GNG12: variants seen among roughly 807,000 people sequenced by gnomAD.
GNG12 encodes G protein subunit gamma 12.
For missense variants in GNG12, 69 were observed against 83.8 expected (o/e 0.82, Z 0.69); for synonymous variants, 28 against 29.7 (o/e 0.94, Z 0.19).
chr1:67,825,678 G>T (rs907413676), intron 1 of GNG12, among the ~76,000 whole-genome samples: 1 of 152,124 alleles, frequency 6.6e-6, no homozygotes, highest in Non-Finnish European at 1.5e-5. Context: ...AGTTCCAAAG[G>T]CTCCTGCAAC....
intron 2 of GNG12, among the ~76,000 whole-genome samples, chr1:67,742,031 A>G (rs1376431696): frequency 6.6e-6 from 1 of 152,174 alleles, no homozygotes; most frequent in East Asian, 1.9e-4. Context: ...AGTTGTTTCA[A>G]TGTTTCAAGC....
At chr1:67,786,874 T>C (rs12038388) in intron 1 of GNG12, among the ~76,000 whole-genome samples, 27,935 of 149,990 alleles carry the variant, frequency 0.19, 3,121 homozygotes, top group East Asian at 0.4. Flanking sequence ...GAGGTGGAGG[T>C]TGCAGTGAGC....
At position 67,701,901 on chromosome 1, in the gene GNG12, T is replaced by C. The variant is rs1646217344; in HGVS notation, c.*3550A>G. 1 of 152,650 alleles carries C rather than the reference T, an allele frequency of 6.6e-6. No individual in the cohort carries two copies. The highest frequency in any genetic ancestry group is 2.1e-4 in the South Asian group (1 of 4,836). 9.5% of individuals were successfully genotyped at this position (152,650 alleles called of 1,614,324 possible). ...AAACATTATAGATAAACCAATTTTATATCTGAAGCAGCTTATAGCACCAAC... is the reference window on the plus strand; with the variant it reads ...AAACATTATAGATAAACCAATTTTACATCTGAAGCAGCTTATAGCACCAAC... On this transcript the variant is annotated 3_prime_UTR_variant, in exon 4 of 4. Transcript: ENST00000370982.
chr1:67,809,109 C>G (rs1241046704), intron 1 of GNG12, among the ~76,000 whole-genome samples: 1 of 152,124 alleles, frequency 6.6e-6, no homozygotes, highest in Non-Finnish European at 1.5e-5. Context: ...CGAAACAGAA[C>G]AGATCCTAGA....
intron 1 of GNG12, among the ~76,000 whole-genome samples, chr1:67,812,002 C>A (rs1455336096): frequency 6.6e-6 from 1 of 152,188 alleles, no homozygotes; most frequent in Non-Finnish European, 1.5e-5. Context: ...TCAAGATAGA[C>A]AGTCACAGTT....
chr1:67,737,037 T>C (rs1646456532), intron 2 of GNG12, among the ~76,000 whole-genome samples: 1 of 152,218 alleles, frequency 6.6e-6, no homozygotes, highest in Non-Finnish European at 1.5e-5. Flanking sequence ...CCAAGAATTG[T>C]GGATATTCAG....
chr1:67,827,647 G>A (rs1211037793), intron 1 of GNG12, among the ~76,000 whole-genome samples: 1 of 151,748 alleles, frequency 6.6e-6, no homozygotes, highest in Non-Finnish European at 1.5e-5. Flanking sequence ...GGATGGTCTC[G>A]CTCTCCTGAC....
intron 2 of GNG12, among the ~76,000 whole-genome samples, chr1:67,732,636 CT>C (rs1646426774): frequency 6.6e-6 from 1 of 152,222 alleles, no homozygotes; most frequent in Non-Finnish European, 1.5e-5. Context: ...ATAACACTGC[CT>C]TTGCTTTTGA....
intron 2 of GNG12, among the ~76,000 whole-genome samples, chr1:67,764,989 T>A (rs905088232): frequency 1.3e-5 from 2 of 152,064 alleles, no homozygotes; most frequent in African/African-American, 4.8e-5. Context: ...AACACTTGGG[T>A]CAAAAAGCAA....
At chr1:67,769,070 T>C (rs532782096) in intron 2 of GNG12, among the ~76,000 whole-genome samples, 9 of 152,342 alleles carry the variant, frequency 5.9e-5, no homozygotes, top group Non-Finnish European at 1.3e-4. Context: ...CATCTGGATA[T>C]ATAATGTTCA....
chr1:67,795,560 G>T (rs995523664), intron 1 of GNG12, among the ~76,000 whole-genome samples: 2 of 152,178 alleles, frequency 1.3e-5, no homozygotes, highest in East Asian at 1.9e-4. Context: ...CAGTTCTCAG[G>T]ACTCTTAATT....
At chr1:67,744,420 G>GTGT (rs1557602937) in intron 2 of GNG12, among the ~76,000 whole-genome samples, 1 of 152,132 alleles carries the variant, frequency 6.6e-6, no homozygotes, top group African/African-American at 2.4e-5. Flanking sequence ...AAAGGCAGAG[G>GTGT]CTACCCCTGG....
chr1:67,706,891 C>T (rs934301301), intron 3 of GNG12, among the ~76,000 whole-genome samples: 1 of 152,058 alleles, frequency 6.6e-6, no homozygotes, highest in Non-Finnish European at 1.5e-5. Context: ...AATTCCCAAC[C>T]TCAGGTGATC....
chr1:67,734,332 A>G (rs1482089216), intron 2 of GNG12, among the ~76,000 whole-genome samples: 1 of 152,070 alleles, frequency 6.6e-6, no homozygotes, highest in Non-Finnish European at 1.5e-5. Context: ...AGACTGGGGA[A>G]ACAGCATTTT....
At chr1:67,715,067 C>CGTGT (rs1557594004) in intron 2 of GNG12, among the ~76,000 whole-genome samples, 4 of 152,072 alleles carry the variant, frequency 2.6e-5, no homozygotes, top group African/African-American at 4.8e-5. Context: ...TACAGGCACC[C>CGTGT]GCCACCACAC....
At chr1:67,768,237 G>C (rs185435088) in intron 2 of GNG12, among the ~76,000 whole-genome samples, 20 of 152,296 alleles carry the variant, frequency 1.3e-4, no homozygotes, top group Admixed American at 9.1e-4. Flanking sequence ...TATTGATGCA[G>C]AAATTGAGGC....
chr1:67,821,171 G>A (rs1646982614), intron 1 of GNG12, among the ~76,000 whole-genome samples: 1 of 152,170 alleles, frequency 6.6e-6, no homozygotes, highest in Non-Finnish European at 1.5e-5. Flanking sequence ...CCTGCAACAT[G>A]TGAATATATT....
chr1:67,738,755 G>A (rs984686786), intron 2 of GNG12, among the ~76,000 whole-genome samples: 3 of 152,216 alleles, frequency 2.0e-5, no homozygotes, highest in African/African-American at 7.2e-5. Flanking sequence ...GCATGTGCCT[G>A]TGGTCTTAGC....
At chr1:67,762,452 C>CTGTAA (rs1480025798) in intron 2 of GNG12, among the ~76,000 whole-genome samples, 1 of 151,974 alleles carries the variant, frequency 6.6e-6, no homozygotes, top group Non-Finnish European at 1.5e-5. Flanking sequence ...ATAATCCTGC[C>CTGTAA]CAATACAGGA....
Sources: gnomAD v4.1 joint callset for allele counts (sites outside exome capture counted in the v4.1 genomes callset) on GRCh38, gnomAD v4.1.1 for gene constraint, MANE v1.5 for transcripts, NCBI Gene and HGNC (gene_info 2026-07-23, HGNC 2026-07-21) for gene names.